The following PBX1 variants were observed in gnomAD, a reference collection of about 807,000 sequenced individuals.
PBX1 encodes the protein PBX homeobox 1, also known as pre-B-cell leukemia transcription factor 1.
Under a neutral mutation model 53.4 loss-of-function variants are expected in PBX1, and 6 were observed. That is an observed-to-expected ratio of 0.11 (90% CI 0.06 to 0.22). The LOEUF (loss-of-function observed/expected upper bound fraction) is 0.22. Among genes scored for constraint, PBX1 ranks in the 10% least tolerant of loss-of-function variants. The pLI is 1.00. For synonymous variants in PBX1, 204 were observed against 212.3 expected, an observed-to-expected ratio of 0.96 and a Z score of 0.34; for missense variants, 251 against 551.4, an observed-to-expected ratio of 0.46 and a Z score of 5.46.
intron 8 of PBX1, among the ~76,000 whole-genome samples, chr1:164,831,867 A>G (rs16835271): frequency 0.011 from 1,602 of 152,210 alleles, 39 homozygotes; most frequent in African/African-American, 0.035. Flanking sequence ...CCCTCATTCT[A>G]TCTTATAGCC....
intron 2 of PBX1, among the ~76,000 whole-genome samples, chr1:164,636,019 G>A (rs1658753495): frequency 1.3e-5 from 2 of 152,100 alleles, no homozygotes; most frequent in African/African-American, 4.8e-5. Flanking sequence ...ACTTTGATCA[G>A]CCAACAATGG....
chr1:164,844,115 CT>C (rs773961576), intron 8 of PBX1, among the ~76,000 whole-genome samples: 1,966 of 61,050 alleles, frequency 0.032, 11 homozygotes, highest in Middle Eastern at 0.086. Context: ...TTCTTTCTTT[CT>C]TTTTTTTTTT....
At chr1:164,620,207 A>G (rs751682164) in intron 2 of PBX1, among the ~76,000 whole-genome samples, 3 of 152,176 alleles carry the variant, frequency 2.0e-5, no homozygotes, top group African/African-American at 7.2e-5. Flanking sequence ...AAATCTTTAT[A>G]GAAAAACATG....
intron 2 of PBX1, among the ~76,000 whole-genome samples, chr1:164,614,918 A>C (rs1447092994): frequency 6.6e-6 from 1 of 151,970 alleles, no homozygotes; most frequent in African/African-American, 2.4e-5. Flanking sequence ...GGACTACAGG[A>C]GCCTGTCACC....
intron 2 of PBX1, among the ~76,000 whole-genome samples, chr1:164,686,655 T>A (rs1662114814): frequency 6.6e-6 from 1 of 152,192 alleles, no homozygotes; most frequent in Non-Finnish European, 1.5e-5. Context: ...CCTGCTCTCC[T>A]AGGCATGGGT....
At chr1:164,659,182 T>C (rs984663956) in intron 2 of PBX1, among the ~76,000 whole-genome samples, 1 of 152,200 alleles carries the variant, frequency 6.6e-6, no homozygotes, top group African/African-American at 2.4e-5. Flanking sequence ...ATTAGGTTCG[T>C]TGTTTTAAGC....
intron 2 of PBX1, among the ~76,000 whole-genome samples, chr1:164,735,337 C>T (rs1011480524): frequency 4.6e-5 from 7 of 152,068 alleles, no homozygotes; most frequent in African/African-American, 1.7e-4. Flanking sequence ...TTTTTGCTGT[C>T]GCAGATTTAA....
intron 2 of PBX1, among the ~76,000 whole-genome samples, chr1:164,581,882 T>A (rs1654639752): frequency 2.6e-5 from 4 of 152,244 alleles, no homozygotes. Flanking sequence ...TTTTCTTGTG[T>A]TACTTTCCTT....
At chr1:164,768,634 T>C (rs185519122) in intron 2 of PBX1, among the ~76,000 whole-genome samples, 1 of 152,334 alleles carries the variant, frequency 6.6e-6, no homozygotes, top group African/African-American at 2.4e-5. Context: ...TTGTGCTGAG[T>C]GTAGCGGAAG....
chr1:164,669,411 C>T (rs1227152291), intron 2 of PBX1, among the ~76,000 whole-genome samples: 3 of 152,158 alleles, frequency 2.0e-5, no homozygotes, highest in Non-Finnish European at 2.9e-5. Flanking sequence ...ATAAGGGGCG[C>T]CCTCTCCCAA....
At chr1:164,743,410 T>C (rs1290001258) in intron 2 of PBX1, among the ~76,000 whole-genome samples, 1 of 152,210 alleles carries the variant, frequency 6.6e-6, no homozygotes, top group Non-Finnish European at 1.5e-5. Context: ...ACTAGTTTGA[T>C]CTTATTACTT....
At chr1:164,576,684 GACTTA>G (rs1366291447) in intron 2 of PBX1, 1 of 152,326 alleles carries the variant, frequency 6.6e-6, no homozygotes, top group Non-Finnish European at 1.5e-5. Flanking sequence ...TGTCCCGGCT[GACTTA>G]ACTCTTCTCC....
intron 2 of PBX1, among the ~76,000 whole-genome samples, chr1:164,857,455 C>T (rs1672003718): frequency 6.6e-6 from 1 of 152,140 alleles, no homozygotes; most frequent in African/African-American, 2.4e-5. Flanking sequence ...TTAGGGATCT[C>T]ATGTAGATTT....
intron 2 of PBX1, among the ~76,000 whole-genome samples, chr1:164,708,719 A>T (rs1663588949): frequency 6.6e-6 from 1 of 152,222 alleles, no homozygotes. Context: ...CAACATATAC[A>T]ATCTTTACAA....
At chr1:164,649,021 T>C (rs1481478836) in intron 2 of PBX1, among the ~76,000 whole-genome samples, 1 of 152,166 alleles carries the variant, frequency 6.6e-6, no homozygotes, top group East Asian at 1.9e-4. Context: ...CATTCCAAGA[T>C]GACACACCTC....
At chr1:164,629,807 T>A (rs2101875914) in intron 2 of PBX1, among the ~76,000 whole-genome samples, 1 of 152,198 alleles carries the variant, frequency 6.6e-6, no homozygotes, top group African/African-American at 2.4e-5. Context: ...ATTTCTTAAT[T>A]CTTTTTCCAA....
chr1:164,730,343 G>A (rs1242813367), intron 2 of PBX1, among the ~76,000 whole-genome samples: 1 of 152,172 alleles, frequency 6.6e-6, no homozygotes, highest in Non-Finnish European at 1.5e-5. Flanking sequence ...GTGCCCAGAA[G>A]CCAGTCATAT....
chr1:164,878,219 C>T (rs1672561575), intron 2 of PBX1, among the ~76,000 whole-genome samples: 1 of 152,004 alleles, frequency 6.6e-6, no homozygotes. Flanking sequence ...TTTTTTCCTC[C>T]ATAATTAAAA....
At chr1:164,842,200 G>T (rs1671335993) in intron 8 of PBX1, among the ~76,000 whole-genome samples, 1 of 152,136 alleles carries the variant, frequency 6.6e-6, no homozygotes, top group East Asian at 1.9e-4. Context: ...TCCCCGTTCT[G>T]GTTCAAGGAG....
Sources: allele counts gnomAD v4.1 joint callset (sites outside exome capture counted in the v4.1 genomes callset), GRCh38; gene constraint gnomAD v4.1.1; transcripts MANE v1.5; gene names NCBI Gene and HGNC (gene_info 2026-07-23, HGNC 2026-07-21).